The following TRAK2 variants were observed in gnomAD, a reference collection of about 807,000 sequenced individuals.
TRAK2 encodes the protein trafficking kinesin-binding protein 2.
A neutral mutation model predicts 104.6 loss-of-function variants in TRAK2; 81 were observed. The ratio of observed to expected loss-of-function variants is 0.77; its 90% CI spans 0.65 to 0.93. The LOEUF (loss-of-function observed/expected upper bound fraction) is 0.93. Among genes scored for constraint, TRAK2 ranks in the 40% least tolerant of loss-of-function variants. The probability of loss-of-function intolerance (pLI) is 0.00; values close to 1 mark genes in which losing one functional copy is unlikely to be tolerated. For synonymous variants in TRAK2, 406 were observed against 394.4 expected, an observed-to-expected ratio of 1.03 and a Z score of -0.35; for missense variants, 1,002 against 1,089.0, an observed-to-expected ratio of 0.92 and a Z score of 1.12.
intron 3 of TRAK2, 138 bp from the exon 4 acceptor site, chr2:201,401,232 G>C: frequency 2.0e-6 from 1 of 499,170 alleles, no homozygotes. Flanking sequence ...AAATATATGT[G>C]AAAAAAAAGA....
chr2:201,415,684 C>T (rs2125652757), intron 2 of TRAK2, among the ~76,000 whole-genome samples: 1 of 151,812 alleles, frequency 6.6e-6, no homozygotes, highest in East Asian at 1.9e-4. Context: ...AAATGAAGCA[C>T]AGAGAAAAAA....
chr2:201,424,821 A>G (rs1951773638), intron 1 of TRAK2, among the ~76,000 whole-genome samples: 1 of 151,456 alleles, frequency 6.6e-6, no homozygotes, highest in Non-Finnish European at 1.5e-5. Context: ...GTTAGCCAGG[A>G]TGGTCTCGAT....
chr2:201,400,760 A>G (rs1043974868), intron 4 of TRAK2, among the ~76,000 whole-genome samples: 2 of 152,048 alleles, frequency 1.3e-5, no homozygotes, highest in African/African-American at 4.8e-5. Context: ...TTTTTTTTTA[A>G]GATTAATGCT....
intron 10 of TRAK2, among the ~76,000 whole-genome samples, chr2:201,390,510 G>A (rs1951437013): frequency 6.9e-6 from 1 of 145,978 alleles, no homozygotes; most frequent in Middle Eastern, 3.4e-3. Context: ...CTTTCAGTGA[G>A]CTGAGATCGC....
chr2:201,448,278 G>C (rs776372577), intron 1 of TRAK2, among the ~76,000 whole-genome samples: 2 of 152,210 alleles, frequency 1.3e-5, no homozygotes, highest in Admixed American at 6.5e-5. Flanking sequence ...TTTTGATCTT[G>C]TCTTCTCTGA....
chr2:201,412,978 C>T lies in TRAK2; in HGVS notation c.92-5381G>A, dbSNP rs1292137242. 5.2e-6 allele frequency: 4 copies of T among 772,896 alleles called. No homozygotes were observed. In the African/African-American group the frequency reaches 6.9e-5, roughly 13 times the overall value. 47.9% of individuals were successfully genotyped at this position (772,896 alleles called of 1,614,324 possible). A position where few individuals can be genotyped will look rare whatever the true frequency, so the allele number is the denominator to read the frequency against. On this transcript the variant is annotated intron_variant, in intron 2 of 15. Transcript: ENST00000332624. The stretch of plus-strand genomic sequence containing the variant: ...GTTCTGTACACAACACCAAGCAATC[C>T]CTGGATTCTTCTAAAGAATGCTGGA...
intron 6 of TRAK2, 195 bp from the exon 7 acceptor site, chr2:201,397,775 T>C: frequency 1.8e-6 from 1 of 566,480 alleles, no homozygotes; most frequent in Non-Finnish European, 3.1e-6. Context: ...AGGACTTCCT[T>C]GATGCCCATA....
At chr2:201,429,269 A>G (rs898373259) in intron 1 of TRAK2, among the ~76,000 whole-genome samples, 1 of 152,264 alleles carries the variant, frequency 6.6e-6, no homozygotes, top group East Asian at 1.9e-4. Flanking sequence ...GGGTAACGCA[A>G]CCTTTCTCTC....
intron 3 of TRAK2, among the ~76,000 whole-genome samples, chr2:201,406,978 G>A (rs747325491): frequency 6.6e-5 from 10 of 152,014 alleles, no homozygotes; most frequent in Admixed American, 2.0e-4. Flanking sequence ...ACTATGCTTC[G>A]TTATGCTGAC....
chr2:201,411,727 G>T (rs1951648821), intron 2 of TRAK2: 2 of 780,324 alleles, frequency 2.6e-6, no homozygotes, highest in South Asian at 1.3e-5. Context: ...GGAATTTGTT[G>T]TAAGAAGGGT....
Position 201,387,576 on chromosome 2 carries a change from C to T in TRAK2, c.1696+127G>A. ...TACTACAGTCTTGCCACCCAAACAG[C>T]AAGATTAAGGGATAAAAAGATCATC... On this transcript the variant is annotated intron_variant, in intron 13 of 15. Coordinates refer to ENST00000332624, the MANE Select transcript of TRAK2 (RefSeq NM_015049.3). 4.0e-6 allele frequency: 4 copies of T among 988,568 alleles called. No individual in the cohort carries two copies. In the South Asian group the frequency reaches 5.8e-5, roughly 14 times the overall value. 61.2% of individuals were successfully genotyped at this position (988,568 alleles called of 1,614,324 possible).
chr2:201,436,527 C>G (rs897817197), intron 1 of TRAK2, among the ~76,000 whole-genome samples: 2 of 152,186 alleles, frequency 1.3e-5, no homozygotes, highest in Non-Finnish European at 2.9e-5. Context: ...AATTTATCCT[C>G]AAATCAAATA....
chr2:201,393,082 C>T (rs754774090), intron 9 of TRAK2, 36 bp from the exon 10 acceptor site: 1 of 1,564,246 alleles, frequency 6.4e-7, no homozygotes, highest in East Asian at 2.3e-5. Flanking sequence ...TTATTGCCTT[C>T]CCAAAACAAC....
chr2:201,420,603 G>A lies in TRAK2; in HGVS notation c.-96C>T. 2.0e-6 allele frequency: 2 copies of A among 1,009,442 alleles called. No homozygotes were observed. The highest frequency in any genetic ancestry group is 2.4e-5 in the East Asian group (1 of 41,408). The allele number at this position is 1,009,442 out of a possible 1,614,324, so 62.5% of individuals were successfully genotyped here. A position where few individuals can be genotyped will look rare whatever the true frequency, so the allele number is the denominator to read the frequency against. On this transcript the variant is annotated 5_prime_UTR_variant, in exon 2 of 16. Coordinates refer to ENST00000332624, the MANE Select transcript of TRAK2 (RefSeq NM_015049.3). ...GCCATTCAATAATGAAATGGATTTG[G>A]TCACATGGATATTTTCTTTTAGACA...
chr2:201,397,884 CTTAG>C, intron 6 of TRAK2: 1 of 557,126 alleles, frequency 1.8e-6, no homozygotes, highest in Non-Finnish European at 3.2e-6. Flanking sequence ...GTTGTAACTA[CTTAG>C]TTACTTGCGT....
intron 1 of TRAK2, among the ~76,000 whole-genome samples, chr2:201,442,436 C>T (rs1487270924): frequency 4.0e-5 from 6 of 151,578 alleles, no homozygotes. Flanking sequence ...ACGCTTGGAC[C>T]CCAAACATGA....
intron 3 of TRAK2, among the ~76,000 whole-genome samples, chr2:201,406,814 C>T (rs1354490971): frequency 6.6e-6 from 1 of 152,180 alleles, no homozygotes; most frequent in African/African-American, 2.4e-5. Flanking sequence ...TTTAAAAATT[C>T]ATTTGTCTTT....
chr2:201,412,533 A>T, intron 2 of TRAK2: 1 of 1,214,776 alleles, frequency 8.2e-7, no homozygotes, highest in Non-Finnish European at 1.2e-6. Flanking sequence ...TCCTTTTATT[A>T]AATACAGCAT....
At position 201,377,650 on chromosome 2, in the gene TRAK2, CATTT is replaced by C. The variant is rs1951300921; in HGVS notation, c.*2889_*2892del. ...ATTTCCTCCCTTGCCAAAGTCTATT[CATTT>C]ATGTCAAATCAAGAACATACAGCAC... On this transcript the variant is annotated 3_prime_UTR_variant, in exon 16 of 16. Transcript: ENST00000332624. 6.6e-6 allele frequency: 1 copy of C among 152,556 alleles called. No homozygotes were observed. Among genetic ancestry groups the C allele is most frequent in the Non-Finnish European group, 1.5e-5 (1 of 68,036 alleles). The allele number at this position is 152,556 out of a possible 1,614,324, so 9.5% of individuals were successfully genotyped here.
Sources: gnomAD v4.1 joint callset for allele counts (sites outside exome capture counted in the v4.1 genomes callset) on GRCh38, gnomAD v4.1.1 for gene constraint, MANE v1.5 for transcripts, NCBI Gene and HGNC (gene_info 2026-07-23, HGNC 2026-07-21) for gene names.